Variants in ROCK2 observed in about 807,000 individuals in gnomAD.
ROCK2 encodes the protein Rho associated coiled-coil containing protein kinase 2, also known as rho-associated protein kinase 2.
Under a neutral mutation model 195.1 loss-of-function variants are expected in ROCK2, and 61 were observed. The ratio of observed to expected loss-of-function variants is 0.31; its 90% confidence interval spans 0.25 to 0.39. The LOEUF is 0.39. Among genes scored for constraint, ROCK2 ranks in the 10% least tolerant of loss-of-function variants. The probability of loss-of-function intolerance (pLI) is 1.00; values close to 1 mark genes in which losing one functional copy is unlikely to be tolerated. For synonymous variants in ROCK2, 504 were observed against 545.5 expected (o/e 0.92, Z 1.06); for missense variants, 1,109 against 1,637.4 (o/e 0.68, Z 5.57).
intron 6 of ROCK2, among the ~76,000 whole-genome samples, chr2:11,225,164 C>T (rs1664770136): frequency 6.6e-6 from 1 of 152,144 alleles, no homozygotes. Context: ...ATGGTCTCCC[C>T]ATGCAGTGTT....
chr2:11,244,515 C>A (rs1215304776), intron 4 of ROCK2, among the ~76,000 whole-genome samples: 1 of 151,972 alleles, frequency 6.6e-6, no homozygotes, highest in East Asian at 1.9e-4. Flanking sequence ...ATAATAATCC[C>A]AGTGCTTTGG....
intron 1 of ROCK2, among the ~76,000 whole-genome samples, chr2:11,294,755 A>G (rs189625126): frequency 6.6e-6 from 1 of 152,240 alleles, no homozygotes. Context: ...CATGAATAAA[A>G]TTAAGATCAA....
At chr2:11,193,022 A>G (rs1409650248) in intron 30 of ROCK2, among the ~76,000 whole-genome samples, 1 of 152,194 alleles carries the variant, frequency 6.6e-6, no homozygotes, top group African/African-American at 2.4e-5. Flanking sequence ...AGGTAACTTC[A>G]TAGGTGTTAG....
At chr2:11,275,695 CTTTTTTTTTTTTT>C (rs70953379) in intron 3 of ROCK2, among the ~76,000 whole-genome samples, 2 of 110,188 alleles carry the variant, frequency 1.8e-5, no homozygotes, top group African/African-American at 7.0e-5. Flanking sequence ...ATTCAACAAT[CTTTTTTTTTTTTT>C]TTTTTTTTTG....
chr2:11,259,470 A>C (rs1666147318), intron 3 of ROCK2, among the ~76,000 whole-genome samples: 1 of 151,360 alleles, frequency 6.6e-6, no homozygotes, highest in Non-Finnish European at 1.5e-5. Context: ...AATCATACAA[A>C]TATGGGTTTC....
chr2:11,218,180 C>T (rs761325167), intron 11 of ROCK2: 3 of 290,264 alleles, frequency 1.0e-5, no homozygotes, highest in Non-Finnish European at 1.9e-5. Context: ...TACTGCATTA[C>T]AATAATTTGA....
chr2:11,340,363 G>GT (rs1553322015), intron 1 of ROCK2, among the ~76,000 whole-genome samples: 59 of 152,118 alleles, frequency 3.9e-4, no homozygotes, highest in Non-Finnish European at 1.5e-5. Flanking sequence ...CAAAAACTGG[G>GT]TTTTTTATAT....
At chr2:11,187,400 C>T (rs1558272668) in intron 32 of ROCK2, among the ~76,000 whole-genome samples, 1 of 152,298 alleles carries the variant, frequency 6.6e-6, no homozygotes, top group East Asian at 1.9e-4. Flanking sequence ...TACTAATGGT[C>T]TTCATTATCA....
At chr2:11,317,614 T>TATATA (rs1159420475) in intron 1 of ROCK2, among the ~76,000 whole-genome samples, 119 of 13,934 alleles carry the variant, frequency 8.5e-3, no homozygotes, top group African/African-American at 0.019. Flanking sequence ...ATATATATAT[T>TATATA]TTTTTTTTTT....
At chr2:11,234,563 AC>A (rs1282038187) in intron 5 of ROCK2, 1 of 152,156 alleles carries the variant, frequency 6.6e-6, no homozygotes, top group Non-Finnish European at 1.5e-5. Context: ...CACCTATTAA[AC>A]ATTGATTAAG....
At chr2:11,294,395 T>C (rs567769418) in intron 1 of ROCK2, among the ~76,000 whole-genome samples, 1 of 152,306 alleles carries the variant, frequency 6.6e-6, no homozygotes, top group South Asian at 2.1e-4. Context: ...TTATTTAATT[T>C]TCCTAACAGA....
At chr2:11,223,873 T>A (rs1437878416) in intron 7 of ROCK2, among the ~76,000 whole-genome samples, 7 of 152,170 alleles carry the variant, frequency 4.6e-5, no homozygotes, top group African/African-American at 1.4e-4. Flanking sequence ...GTCTTGCTCA[T>A]ATTCAAATGC....
intron 1 of ROCK2, among the ~76,000 whole-genome samples, chr2:11,338,610 T>C (rs557342253): frequency 5.3e-5 from 8 of 152,256 alleles, no homozygotes; most frequent in African/African-American, 1.9e-4. Context: ...AGGCAGACTA[T>C]AAGGCAAGTA....
chr2:11,261,089 G>C (rs1666210679), intron 3 of ROCK2, among the ~76,000 whole-genome samples: 1 of 152,166 alleles, frequency 6.6e-6, no homozygotes, highest in Non-Finnish European at 1.5e-5. Context: ...CAAAACTTTA[G>C]AATATTTTGG....
intron 27 of ROCK2, among the ~76,000 whole-genome samples, chr2:11,196,704 G>A (rs577858486): frequency 3.3e-5 from 5 of 152,280 alleles, no homozygotes; most frequent in South Asian, 4.1e-4. Flanking sequence ...ATTAGGTTCC[G>A]ATGAAATGGG....
At chr2:11,326,230 A>T (rs953581348) in intron 1 of ROCK2, among the ~76,000 whole-genome samples, 22 of 64,538 alleles carry the variant, frequency 3.4e-4, no homozygotes, top group Admixed American at 6.6e-4. Context: ...AAATGCATTT[A>T]AAAAAAAAAA....
chr2:11,219,166 A>G lies in ROCK2; in HGVS notation c.1260-140T>C, dbSNP rs566223242. The G allele has an allele frequency of 2.2e-4, 96 of 445,676 alleles. No homozygotes were observed. In the East Asian group the frequency reaches 3.1e-3, roughly 14 times the overall value. 27.6% of individuals were successfully genotyped at this position (445,676 alleles called of 1,614,324 possible). ...CAACACATTATTTACAAATGAAGCA[A>G]TATTTTTCCCTCAAGACATTTGTAT... is the stretch of plus-strand genomic sequence containing the variant. On this transcript the variant is annotated intron_variant, in intron 9 of 32. Transcript: ENST00000315872.
At chr2:11,307,554 C>T (rs965628934) in intron 1 of ROCK2, among the ~76,000 whole-genome samples, 1 of 152,130 alleles carries the variant, frequency 6.6e-6, no homozygotes. Context: ...CCTCGTGATC[C>T]GCCCGCCTCA....
chr2:11,286,845 A>G (rs1180404120), intron 2 of ROCK2, among the ~76,000 whole-genome samples: 4 of 152,214 alleles, frequency 2.6e-5, no homozygotes, highest in Non-Finnish European at 5.9e-5. Context: ...ATATAAATGA[A>G]CACCACTGAC....
Sources: allele counts gnomAD v4.1 joint callset (sites outside exome capture counted in the v4.1 genomes callset), GRCh38; gene constraint gnomAD v4.1.1; transcripts MANE v1.5; gene names NCBI Gene and HGNC (gene_info 2026-07-23, HGNC 2026-07-21).